DNM3: variants seen among roughly 807,000 people sequenced by gnomAD.
DNM3 encodes dynamin-3.
A neutral mutation model predicts 101.6 loss-of-function variants in DNM3; 47 were observed. The observed-to-expected ratio is 0.46, with a 90% CI of 0.37 to 0.59. The LOEUF (loss-of-function observed/expected upper bound fraction) is 0.59, where lower values mean the gene tolerates loss of function less well. Among genes scored for constraint, DNM3 ranks in the 20% least tolerant of loss-of-function variants. DNM3 has a pLI of 0.00. For missense variants in DNM3, 849 were observed against 1,085.7 expected (o/e 0.78, Z 3.06); for synonymous variants, 385 against 387.9 (o/e 0.99, Z 0.09).
intron 10 of DNM3, among the ~76,000 whole-genome samples, chr1:172,055,821 T>C (rs1036465827): frequency 6.6e-6 from 1 of 152,140 alleles, no homozygotes; most frequent in Non-Finnish European, 1.5e-5. Flanking sequence ...ATGAAAATAC[T>C]TGCATTTCGG....
chr1:172,361,848 C>T (rs2067757526), intron 17 of DNM3, among the ~76,000 whole-genome samples: 1 of 151,970 alleles, frequency 6.6e-6, no homozygotes, highest in Non-Finnish European at 1.5e-5. Context: ...TTTTTCTGTC[C>T]TTCCAACCGT....
chr1:172,241,790 G>A (rs1443640945), intron 14 of DNM3, among the ~76,000 whole-genome samples: 1 of 152,114 alleles, frequency 6.6e-6, no homozygotes, highest in Non-Finnish European at 1.5e-5. Context: ...CACTCTGCCG[G>A]TCTCTCATTT....
chr1:172,116,411 G>T (rs529642129), intron 13 of DNM3, among the ~76,000 whole-genome samples: 1 of 152,152 alleles, frequency 6.6e-6, no homozygotes, highest in African/African-American at 2.4e-5. Flanking sequence ...TGTAGACCTG[G>T]TTGTTTTCTG....
chr1:172,364,745 C>A (rs944368810), intron 17 of DNM3, among the ~76,000 whole-genome samples: 1 of 151,806 alleles, frequency 6.6e-6, no homozygotes, highest in Non-Finnish European at 1.5e-5. Context: ...ATGAATGTTT[C>A]AGCATCATCT....
At chr1:171,913,154 C>G (rs1347272763) in intron 1 of DNM3, among the ~76,000 whole-genome samples, 1 of 152,122 alleles carries the variant, frequency 6.6e-6, no homozygotes, top group Non-Finnish European at 1.5e-5. Flanking sequence ...CTTTTGCATT[C>G]TAAATGTTTC....
chr1:171,931,849 T>C (rs1011169655), intron 2 of DNM3, among the ~76,000 whole-genome samples: 1 of 152,356 alleles, frequency 6.6e-6, no homozygotes, highest in Admixed American at 6.5e-5. Context: ...TGGAAAAGTC[T>C]AGAAAAATTT....
chr1:171,872,565 A>G (rs1372148196), intron 1 of DNM3, among the ~76,000 whole-genome samples: 1 of 152,182 alleles, frequency 6.6e-6, no homozygotes, highest in Non-Finnish European at 1.5e-5. Context: ...ATTTCCTAGG[A>G]AAGTGAAGTC....
At chr1:172,336,059 G>A (rs982470078) in intron 17 of DNM3, among the ~76,000 whole-genome samples, 1 of 152,138 alleles carries the variant, frequency 6.6e-6, no homozygotes, top group African/African-American at 2.4e-5. Flanking sequence ...AGACATATTT[G>A]ATTGTCACAG....
chr1:172,294,461 A>T (rs1169582357), intron 15 of DNM3, among the ~76,000 whole-genome samples: 1 of 152,200 alleles, frequency 6.6e-6, no homozygotes, highest in Non-Finnish European at 1.5e-5. Flanking sequence ...TAAACCAAGG[A>T]TTGGGGTAGA....
At chr1:172,144,533 G>A in intron 14 of DNM3, 2 of 490,002 alleles carry the variant, frequency 4.1e-6, no homozygotes, top group African/African-American at 2.0e-5. Context: ...GGTCCATGGC[G>A]TTGCTCTCCC....
chr1:171,960,512 C>T (rs1558330691), intron 2 of DNM3, among the ~76,000 whole-genome samples: 1 of 152,032 alleles, frequency 6.6e-6, no homozygotes, highest in Non-Finnish European at 1.5e-5. Context: ...AAGGTGCGGA[C>T]TTTAAGAGGT....
At chr1:172,114,497 C>T (rs1030277453) in intron 13 of DNM3, among the ~76,000 whole-genome samples, 31 of 152,160 alleles carry the variant, frequency 2.0e-4, no homozygotes, top group Admixed American at 2.0e-4. Flanking sequence ...TACTTATGTA[C>T]CTGCCCTACC....
intron 18 of DNM3, among the ~76,000 whole-genome samples, chr1:172,381,419 T>C (rs2068897133): frequency 6.6e-6 from 1 of 152,118 alleles, no homozygotes; most frequent in East Asian, 1.9e-4. Flanking sequence ...GTTTTACATA[T>C]CTAGAATGAC....
At chr1:172,123,236 T>C (rs1008315467) in intron 13 of DNM3, among the ~76,000 whole-genome samples, 3 of 152,204 alleles carry the variant, frequency 2.0e-5, no homozygotes, top group Non-Finnish European at 2.9e-5. Context: ...AATATTTGAT[T>C]ATTTTGTGTC....
chr1:172,276,108 C>T (rs1053408860), intron 15 of DNM3, among the ~76,000 whole-genome samples: 2 of 152,042 alleles, frequency 1.3e-5, no homozygotes, highest in Non-Finnish European at 2.9e-5. Context: ...CCCCCCATTT[C>T]CAGAGCACTT....
intron 1 of DNM3, among the ~76,000 whole-genome samples, chr1:171,900,572 G>A (rs1381157447): frequency 6.6e-6 from 1 of 152,084 alleles, no homozygotes; most frequent in Non-Finnish European, 1.5e-5. Context: ...TGGTGAGGGC[G>A]GCTTCCAGGG....
Position 172,092,898 on chromosome 1 carries a change from A to G in DNM3, c.1545+23A>G, listed in dbSNP as rs754798594. On this transcript the variant is annotated intron_variant, in intron 13 of 20. Transcript: ENST00000627582. ...CAGGTAGGAATTGCATAAGAGAATCAGTGTATGCATGTCCCAAAGAATTTG... is the reference window on the plus strand; with the variant it reads ...CAGGTAGGAATTGCATAAGAGAATCGGTGTATGCATGTCCCAAAGAATTTG... 7 of 1,545,472 alleles carry G rather than the reference A, an allele frequency of 4.5e-6. No homozygotes were observed. The Admixed American group carries it at 1.2e-4, about 26-fold the overall frequency.
intron 20 of DNM3, among the ~76,000 whole-genome samples, chr1:172,404,432 ACATAGCAGAAC>A (rs1346725498): frequency 6.6e-6 from 1 of 152,096 alleles, no homozygotes; most frequent in African/African-American, 2.4e-5. Flanking sequence ...TAGACCTGGC[ACATAGCAGAAC>A]CATATGTTCT....
intron 13 of DNM3, among the ~76,000 whole-genome samples, chr1:172,107,473 G>A (rs2055146221): frequency 6.6e-6 from 1 of 152,088 alleles, no homozygotes; most frequent in African/African-American, 2.4e-5. Flanking sequence ...TGAGACTGCT[G>A]CACAGGGATG....
Sources: allele counts gnomAD v4.1 joint callset (sites outside exome capture counted in the v4.1 genomes callset), GRCh38; gene constraint gnomAD v4.1.1; transcripts MANE v1.5; gene names NCBI Gene and HGNC (gene_info 2026-07-23, HGNC 2026-07-21).